Variants in SIAE observed in about 807,000 individuals in gnomAD.
The protein encoded by SIAE is sialate O-acetylesterase.
A neutral mutation model predicts 52.6 loss-of-function variants in SIAE; 39 were observed. That is an observed-to-expected ratio of 0.74 (90% CI 0.57 to 0.97). The LOEUF (loss-of-function observed/expected upper bound fraction) is 0.97. SIAE is among the 50% of genes least tolerant of loss of function. The pLI, the probability that SIAE is intolerant of heterozygous loss-of-function variation, is 0.00. For missense variants in SIAE, 592 were observed against 662.1 expected (o/e 0.89, Z 1.16); for synonymous variants, 233 against 241.4 (o/e 0.97, Z 0.32).
chr11:124,639,589 C>T (rs1272197534), intron 8 of SIAE, 121 bp downstream of exon 8: 1 of 1,248,068 alleles, frequency 8.0e-7, no homozygotes, highest in African/African-American at 1.5e-5. Context: ...TGCAGCACAC[C>T]CCAGCATACG....
Position 124,660,794 on chromosome 11 carries a change from T to A in SIAE, c.239A>T (p.Asp80Val). The change falls in exon 3 of 10, where the codon GAT becomes GTT. Residue 80 changes from aspartate to valine, a missense_variant. Physicochemically the swap from Asp to Val is radical, Grantham distance 152. Coordinates refer to ENST00000263593, the MANE Select transcript of SIAE (RefSeq NM_170601.5). Reference protein sequence around the residue: ...KKVTSVKAHSDTWMVVLDPMK... With the variant: ...KKVTSVKAHSVTWMVVLDPMK... ...AGGATCCAGTACCACCATCCACGTA[T>A]CAGAGTGAGCTGAAATAGTAACAGG... 1 of 1,614,150 alleles carries A rather than the reference T, an allele frequency of 6.2e-7. No homozygotes were observed. The highest frequency in any genetic ancestry group is 1.3e-5 in the African/African-American group (1 of 75,040).
chr11:124,673,355 TC>T (rs1473450523), intron 1 of SIAE, among the ~76,000 whole-genome samples: 1 of 152,126 alleles, frequency 6.6e-6, no homozygotes, highest in Non-Finnish European at 1.5e-5. Flanking sequence ...AAGGCCTCTT[TC>T]TGGGCACATT....
At chr11:124,641,409 G>T (rs1942843830) in intron 7 of SIAE, among the ~76,000 whole-genome samples, 1 of 152,204 alleles carries the variant, frequency 6.6e-6, no homozygotes, top group Non-Finnish European at 1.5e-5. Context: ...TGGAGGATTT[G>T]TGAAGGAAAG....
chr11:124,654,820 A>T (rs765149928), intron 3 of SIAE, 27 bp from the exon 4 acceptor site: 1 of 1,612,316 alleles, frequency 6.2e-7, no homozygotes, highest in Non-Finnish European at 8.5e-7. Flanking sequence ...AACGTCATTT[A>T]ACCTAGCAGG....
intron 3 of SIAE, among the ~76,000 whole-genome samples, chr11:124,655,621 T>C (rs981740890): frequency 1.1e-4 from 16 of 152,070 alleles, no homozygotes; most frequent in Admixed American, 1.0e-3. Context: ...TACTGAAACA[T>C]AGTTGAAGTA....
intron 4 of SIAE, 138 bp downstream of exon 4, chr11:124,654,517 G>C (rs1591390097): frequency 1.3e-6 from 2 of 1,587,420 alleles, no homozygotes; most frequent in East Asian, 4.5e-5. Context: ...CATCAGGAAG[G>C]ATGAAGAGTC....
At chr11:124,660,570 C>T in intron 3 of SIAE, 58 bp downstream of exon 3, 1 of 1,588,350 alleles carries the variant, frequency 6.3e-7, no homozygotes, top group Non-Finnish European at 8.6e-7. Flanking sequence ...CTTATTCCTC[C>T]TTCTTTTCCT....
chr11:124,675,338 G>A (rs144340747), upstream of SIAE: 1 of 1,614,158 alleles, frequency 6.2e-7, no homozygotes, highest in Non-Finnish European at 8.5e-7. Context: ...GGGCTGACAC[G>A]CGAGATTCTG....
intron 2 of SIAE, among the ~76,000 whole-genome samples, chr11:124,666,547 C>A (rs1591396056): frequency 6.6e-6 from 1 of 152,160 alleles, no homozygotes; most frequent in African/African-American, 2.4e-5. Flanking sequence ...ATAAATAGGT[C>A]CCCACCACCA....
intron 7 of SIAE, among the ~76,000 whole-genome samples, chr11:124,646,472 G>A (rs773357569): frequency 3.3e-5 from 5 of 151,092 alleles, no homozygotes; most frequent in Non-Finnish European, 5.9e-5. Flanking sequence ...CCTAAAGGAT[G>A]ATTAAAGTTA....
In SIAE at chr11:124,639,756, T is replaced by A; in HGVS notation, c.1078A>T (p.Met360Leu). The A allele has an allele frequency of 6.2e-7, 1 of 1,614,224 alleles. No homozygotes were observed. Among genetic ancestry groups the A allele is most frequent in the South Asian group, 1.1e-5 (1 of 91,086 alleles). Reference protein sequence around the residue: ...VPNPKMPNTFMAVAMDLCDRD... With the variant: ...VPNPKMPNTFLAVAMDLCDRD... Reference sequence around the variant, plus strand: ...TCACAGAGATCCATAGCTACAGCCATGAAAGTATTGGGCATCTTTGGGTTG... The same window carrying A: ...TCACAGAGATCCATAGCTACAGCCAAGAAAGTATTGGGCATCTTTGGGTTG... Residue 360 changes from methionine to leucine, a missense_variant, in exon 8 of 10, where the codon ATG (methionine) becomes TTG (leucine). Transcript: ENST00000263593.
intron 3 of SIAE, among the ~76,000 whole-genome samples, chr11:124,655,151 A>G (rs1414644229): frequency 1.3e-5 from 2 of 151,770 alleles, no homozygotes; most frequent in Non-Finnish European, 2.9e-5. Context: ...CTCATAACAC[A>G]AAACCAGACC....
intron 4 of SIAE, among the ~76,000 whole-genome samples, chr11:124,653,283 G>A (rs776273095): frequency 3.3e-5 from 5 of 152,060 alleles, no homozygotes; most frequent in African/African-American, 4.8e-5. Flanking sequence ...GAACAGTGTC[G>A]AGCACATAGT....
At chr11:124,642,922 A>G (rs1942871408) in intron 7 of SIAE, among the ~76,000 whole-genome samples, 9 of 152,072 alleles carry the variant, frequency 5.9e-5, no homozygotes, top group Admixed American at 5.9e-4. Flanking sequence ...CTACAGCTTC[A>G]AGGAGGTGAA....
In SIAE at chr11:124,639,760, A is replaced by T. The variant is rs751621034; in HGVS notation, c.1074T>A (p.Thr358=). 1 of 1,614,228 alleles carries T rather than the reference A, an allele frequency of 6.2e-7. No individual in the cohort carries two copies. The highest frequency in any genetic ancestry group is 1.7e-5 in the Admixed American group (1 of 60,022). ...AGAGATCCATAGCTACAGCCATGAA[A>T]GTATTGGGCATCTTTGGGTTGGGGA... ...GYVPNPKMPN[T]FMAVAMDLCD... is the part of the protein sequence containing the mutation. Residue 358 remains threonine, a synonymous_variant, in exon 8 of 10, where the codon ACT becomes ACA. Coordinates refer to ENST00000263593, the MANE Select transcript of SIAE (RefSeq NM_170601.5).
In SIAE at chr11:124,639,757, G is replaced by A. The variant is rs778953987; in HGVS notation, c.1077C>T (p.Phe359=). 6.2e-7 allele frequency: 1 copy of A among 1,614,210 alleles called. No homozygotes were observed. Among genetic ancestry groups the A allele is most frequent in the South Asian group, 1.1e-5 (1 of 91,088 alleles). ...YVPNPKMPNT[F]MAVAMDLCDR... ...CACAGAGATCCATAGCTACAGCCAT[G>A]AAAGTATTGGGCATCTTTGGGTTGG... Residue 359 remains phenylalanine (F), a synonymous_variant, in exon 8 of 10, where the codon TTC becomes TTT. Transcript: ENST00000263593.
rs1217376906 is a variant in SIAE, at chr11:124,635,722, C to CATAG, written c.*1225_*1228dup. The CATAG allele has an allele frequency of 2.0e-5, 3 of 152,146 alleles. No homozygotes were observed. Among genetic ancestry groups the CATAG allele is most frequent in the Admixed American group, 1.3e-4 (2 of 15,272 alleles). 9.4% of individuals were successfully genotyped at this position (152,146 alleles called of 1,614,324 possible). A position where few individuals can be genotyped will look rare whatever the true frequency, so the allele number is the denominator to read the frequency against. Reference sequence around the variant, plus strand: ...TCACATTAAGGGGAGGAAAGCTACCCATAGATAGTATTCTTACTCCTTTTC... The same window carrying CATAG: ...TCACATTAAGGGGAGGAAAGCTACCCATAGATAGATAGTATTCTTACTCCTTTTC... On this transcript the variant is annotated 3_prime_UTR_variant, in exon 10 of 10. Transcript: ENST00000263593.
At chr11:124,667,075 T>A (rs1348694783) in intron 2 of SIAE, among the ~76,000 whole-genome samples, 1 of 152,264 alleles carries the variant, frequency 6.6e-6, no homozygotes, top group African/African-American at 2.4e-5. Flanking sequence ...TACAGCACTG[T>A]GTTATCTCTG....
At chr11:124,664,126 A>C (rs1210664103) in intron 2 of SIAE, among the ~76,000 whole-genome samples, 2 of 152,174 alleles carry the variant, frequency 1.3e-5, no homozygotes, top group African/African-American at 4.8e-5. Flanking sequence ...TCCATCAATT[A>C]AATGGTAGGA....
Sources: gnomAD v4.1 joint callset for allele counts (sites outside exome capture counted in the v4.1 genomes callset) on GRCh38, gnomAD v4.1.1 for gene constraint, MANE v1.5 for transcripts, NCBI Gene and HGNC (gene_info 2026-07-23, HGNC 2026-07-21) for gene names.